The following POP1 variants were observed in gnomAD, a reference collection of about 807,000 sequenced individuals.
The protein encoded by POP1 is POP1 ribonuclease P/MRP subunit, also known as ribonucleases P/MRP protein subunit POP1.
Under a neutral mutation model 102.2 loss-of-function variants are expected in POP1, and 75 were observed. That is an observed-to-expected ratio of 0.73 (90% CI 0.61 to 0.89). The LOEUF (loss-of-function observed/expected upper bound fraction) is 0.89. Ranked by LOEUF, POP1 falls within the 40% of genes least tolerant of loss-of-function variation. The probability of loss-of-function intolerance (pLI) is 0.00; values close to 1 mark genes in which losing one functional copy is unlikely to be tolerated. For missense variants in POP1, 1,116 were observed against 1,267.4 expected, an observed-to-expected ratio of 0.88 and a Z score of 1.81; for synonymous variants, 436 against 464.1, an observed-to-expected ratio of 0.94 and a Z score of 0.78.
Position 98,158,121 on chromosome 8 carries a change from T to G in POP1, c.2925T>G (p.Ala975=). Residue 975 remains alanine (A), a synonymous_variant, in exon 16 of 16, where the codon GCT becomes GCG. Coordinates refer to ENST00000401707, the MANE Select transcript of POP1 (RefSeq NM_001145860.2). ...GFVTQGDFSM[A]VGCGEALGFV... Reference sequence around the variant, plus strand: ...TGACTCAGGGAGATTTTTCCATGGCTGTTGGCTGTGGAGAAGCCCTGGGGT... The same window carrying G: ...TGACTCAGGGAGATTTTTCCATGGCGGTTGGCTGTGGAGAAGCCCTGGGGT... The G allele has an allele frequency of 1.2e-6, 2 of 1,606,960 alleles. No individual in the cohort carries two copies. Among genetic ancestry groups the G allele is most frequent in the Non-Finnish European group, 1.7e-6 (2 of 1,177,006 alleles).
rs564061661 is a variant in POP1, at chr8:98,151,574, G to T, written c.2057+935G>T. On this transcript the variant is annotated intron_variant, in intron 14 of 15. Transcript: ENST00000401707. ...TTTATTGTGGCATTTGCAGTGTCTA[G>T]CCAGTGCCTGGTGCACAGTAGGTCT... Among the ~76,000 whole-genome samples the T allele has an allele frequency of 3.3e-5, 5 of 152,226 alleles. No individual in the cohort carries two copies. In the East Asian group the frequency reaches 7.7e-4, roughly 24 times the overall value.
At chr8:98,140,041 AT>A (rs111460631) in intron 9 of POP1, 36 bp from the exon 10 acceptor site, 192,644 of 1,494,746 alleles carry the variant, frequency 0.13, 13,439 homozygotes, top group Middle Eastern at 0.2. Flanking sequence ...AGGTGGATTC[AT>A]TGTTCGTCCA....
At chr8:98,149,302 GT>G (rs1809455565) in intron 13 of POP1, among the ~76,000 whole-genome samples, 1 of 152,024 alleles carries the variant, frequency 6.6e-6, no homozygotes, top group Admixed American at 6.6e-5. Context: ...GAAGAAATTT[GT>G]TATAAGTTTA....
chr8:98,158,257 G>T lies in POP1; in HGVS notation c.3061G>T (p.Ala1021Ser). 1 of 1,609,906 alleles carries T rather than the reference G, an allele frequency of 6.2e-7. No individual in the cohort carries two copies. Among genetic ancestry groups the T allele is most frequent in the Non-Finnish European group, 8.5e-7 (1 of 1,180,020 alleles). ...TCTGCAGTATCGATTTGCGAGGATTGCTATTGAGGTGTGAATGCGTGCTTG... is the reference window on the plus strand; with the variant it reads ...TCTGCAGTATCGATTTGCGAGGATTTCTATTGAGGTGTGAATGCGTGCTTG... ...ASLQYRFARIAIEV is the reference protein window; with the variant it reads ...ASLQYRFARISIEV The change falls in exon 16 of 16, where the codon GCT becomes TCT. Residue 1021 changes from alanine (A) to serine (S), a missense_variant. By Grantham distance (99) the Ala-to-Ser change is moderately conservative (BLOSUM62 1). Transcript: ENST00000401707.
At position 98,158,506 on chromosome 8, in the gene POP1, T is replaced by C. The variant is rs1809717779; in HGVS notation, c.*235T>C. The C allele has an allele frequency of 5.7e-6, 3 of 522,380 alleles. No homozygotes were observed. Among genetic ancestry groups the C allele is most frequent in the Non-Finnish European group, 1.0e-5 (3 of 292,418 alleles). 32.4% of individuals were successfully genotyped at this position (522,380 alleles called of 1,614,324 possible). On this transcript the variant is annotated 3_prime_UTR_variant, in exon 16 of 16. Coordinates refer to ENST00000401707, the MANE Select transcript of POP1 (RefSeq NM_001145860.2). ...TTTTAAATTATTTGGCCAAAAGCTT[T>C]GTATTATGATCTCTTGGTCTGTGTA...
At position 98,128,559 on chromosome 8, in the gene POP1, G is replaced by C; in HGVS notation, c.486+19G>C. The C allele has an allele frequency of 1.2e-6, 2 of 1,612,554 alleles. No individual in the cohort carries two copies. Among genetic ancestry groups the C allele is most frequent in the Non-Finnish European group, 1.7e-6 (2 of 1,178,736 alleles). On this transcript the variant is annotated intron_variant, in intron 4 of 15. Coordinates refer to ENST00000401707, the MANE Select transcript of POP1 (RefSeq NM_001145860.2). ...GAAAGAGGTAGGAGTTCCACTTAGT[G>C]TAAATGTTTAGATTAGTAGCTCCTA...
Position 98,145,521 on chromosome 8 carries a change from G to C in POP1, c.1595-1047G>C, listed in dbSNP as rs1228576221. On this transcript the variant is annotated intron_variant, in intron 11 of 15. Coordinates refer to ENST00000401707, the MANE Select transcript of POP1 (RefSeq NM_001145860.2). ...AATATAGAAGTTTGTCACTGATAAA[G>C]TTTGTTCCCCTTCCTGCTTGAGTAC... Among the ~76,000 whole-genome samples the C allele has an allele frequency of 2.0e-5, 3 of 152,148 alleles. No homozygotes were observed. The East Asian group carries it at 5.8e-4, about 29-fold the overall frequency.
At chr8:98,129,860 C>T (rs1370128728) in intron 4 of POP1, 118 bp from the exon 5 acceptor site, 1 of 1,191,718 alleles carries the variant, frequency 8.4e-7, no homozygotes, top group Non-Finnish European at 1.2e-6. Flanking sequence ...TTTAAGCAAA[C>T]TAATGGGATC....
rs1159838266 is a variant in POP1, at chr8:98,146,590, G to A, written c.1617G>A (p.Leu539=). ...KCQDNEKVRQ[L]LLEGVPVECT... ...TAGATAATGAGAAAGTTAGACAGCT[G>A]CTTCTGGAGGGTGTGCCTGTGGAAT... Residue 539 remains leucine, a synonymous_variant, in exon 12 of 16, where the codon CTG becomes CTA. Coordinates refer to ENST00000401707, the MANE Select transcript of POP1 (RefSeq NM_001145860.2). The A allele has an allele frequency of 6.2e-7, 1 of 1,613,878 alleles. No individual in the cohort carries two copies. Among genetic ancestry groups the A allele is most frequent in the Admixed American group, 1.7e-5 (1 of 60,020 alleles).
intron 14 of POP1, among the ~76,000 whole-genome samples, chr8:98,152,112 C>T (rs1031449718): frequency 5.3e-5 from 8 of 152,122 alleles, no homozygotes; most frequent in African/African-American, 1.7e-4. Context: ...GCTACCTTAC[C>T]AGCTCTTTGA....
At chr8:98,152,104 T>C (rs1389087623) in intron 14 of POP1, among the ~76,000 whole-genome samples, 1 of 152,196 alleles carries the variant, frequency 6.6e-6, no homozygotes, top group Non-Finnish European at 1.5e-5. Flanking sequence ...CCTGGATTGC[T>C]ACCTTACCAG....
intron 9 of POP1, among the ~76,000 whole-genome samples, chr8:98,137,708 C>T (rs141737085): frequency 0.013 from 1,911 of 152,290 alleles, 37 homozygotes; most frequent in African/African-American, 0.043. Context: ...CTGTCCAGTA[C>T]GACAGCCATT....
At position 98,150,564 on chromosome 8, in the gene POP1, G is replaced by A; in HGVS notation, c.1982G>A (p.Gly661Asp). The change falls in exon 14 of 16, where the codon GGC becomes GAC. Residue 661 changes from glycine to aspartate, a missense_variant. Gly to Asp is a moderately conservative substitution (Grantham distance 94). Coordinates refer to ENST00000401707, the MANE Select transcript of POP1 (RefSeq NM_001145860.2). The stretch of plus-strand genomic sequence containing the variant: ...TATAAGAGGTCGCCTAATGTCCCAG[G>A]CGATTTTCCAGACTGCCCTGCCGGG... ...SQYKRSPNVP[G>D]DFPDCPAGML... 6.2e-7 allele frequency: 1 copy of A among 1,614,168 alleles called. No homozygotes were observed. Among genetic ancestry groups the A allele is most frequent in the South Asian group, 1.1e-5 (1 of 91,080 alleles).
At chr8:98,153,684 C>T (rs2130631662) in intron 14 of POP1, among the ~76,000 whole-genome samples, 1 of 151,782 alleles carries the variant, frequency 6.6e-6, no homozygotes, top group East Asian at 1.9e-4. Context: ...ATTACAGGTG[C>T]CCACCACCAT....
chr8:98,118,829 A>G (rs944040619), intron 1 of POP1, among the ~76,000 whole-genome samples: 3 of 152,086 alleles, frequency 2.0e-5, no homozygotes, highest in South Asian at 4.1e-4. Context: ...TGTTTCAAGA[A>G]TAGTGGATTG....
At chr8:98,149,773 A>T (rs1401117913) in intron 13 of POP1, among the ~76,000 whole-genome samples, 7 of 149,502 alleles carry the variant, frequency 4.7e-5, no homozygotes. Context: ...ATAAATAAAT[A>T]AAATAAATAA....
At position 98,158,144 on chromosome 8, in the gene POP1, G is replaced by A. The variant is rs1248275160; in HGVS notation, c.2948G>A (p.Gly983Glu). The A allele has an allele frequency of 1.9e-6, 3 of 1,609,332 alleles. No individual in the cohort carries two copies. The South Asian group carries it at 3.3e-5, about 18-fold the overall frequency. Residue 983 changes from glycine (G) to glutamate (E), a missense_variant, in exon 16 of 16, where the codon GGG becomes GAG. Coordinates refer to ENST00000401707, the MANE Select transcript of POP1 (RefSeq NM_001145860.2). ...GCTGTTGGCTGTGGAGAAGCCCTGG[G>A]GTTTGTTAGCTTGACAGGCTTGCTG... ...SMAVGCGEALGFVSLTGLLDM... is the reference protein window; with the variant it reads ...SMAVGCGEALEFVSLTGLLDM...
chr8:98,138,847 C>CTT (rs369408285), intron 9 of POP1, among the ~76,000 whole-genome samples: 9,536 of 130,740 alleles, frequency 0.073, 472 homozygotes, highest in Non-Finnish European at 0.11. Flanking sequence ...GTTATGATTG[C>CTT]TTTTTTTTTT....
At chr8:98,123,810 C>G (rs1357782833) in intron 2 of POP1, among the ~76,000 whole-genome samples, 1 of 151,628 alleles carries the variant, frequency 6.6e-6, no homozygotes, top group Non-Finnish European at 1.5e-5. Context: ...GATGCTCTCT[C>G]CACTCCCATT....
Sources: allele counts gnomAD v4.1 joint callset (sites outside exome capture counted in the v4.1 genomes callset), GRCh38; gene constraint gnomAD v4.1.1; transcripts MANE v1.5; gene names NCBI Gene and HGNC (gene_info 2026-07-23, HGNC 2026-07-21).